FRMPD4: variants seen among roughly 807,000 people sequenced by gnomAD.
The protein encoded by FRMPD4 is FERM and PDZ domain containing 4, also known as FERM and PDZ domain-containing protein 4.
Under a neutral mutation model 94.1 loss-of-function variants are expected in FRMPD4, and 22 were observed. The observed-to-expected ratio is 0.23, with a 90% CI of 0.17 to 0.33. The LOEUF (loss-of-function observed/expected upper bound fraction) is 0.33. Among genes scored for constraint, FRMPD4 ranks in the 10% least tolerant of loss-of-function variants. The pLI is 1.00. For synonymous variants in FRMPD4, 631 were observed against 548.6 expected (o/e 1.15, Z -2.10); for missense variants, 1,111 against 1,339.9 (o/e 0.83, Z 2.67).
intron 3 of FRMPD4, among the ~76,000 whole-genome samples, chrX:11,955,830 A>G (rs2054254421): frequency 8.9e-6 from 1 of 111,749 alleles, no homozygotes; most frequent in Admixed American, 9.5e-5. Flanking sequence ...GCAACCAGCT[A>G]AGTGGGTATC....
intron 3 of FRMPD4, among the ~76,000 whole-genome samples, chrX:11,941,858 C>T (rs920886477): frequency 8.9e-6 from 1 of 111,989 alleles, no homozygotes; most frequent in African/African-American, 3.3e-5. Context: ...CCTCCCAAGG[C>T]AACACTAGCT....
Position 12,398,914 on chromosome X carries a change from A to G in FRMPD4, c.42-99766A>G, listed in dbSNP as rs1405284686. Among the ~76,000 whole-genome samples the G allele has an allele frequency of 2.7e-5, 3 of 111,526 alleles. No individual in the cohort carries two copies. The South Asian group carries it at 1.1e-3, about 43-fold the overall frequency. On this transcript the variant is annotated intron_variant, in intron 1 of 16. Coordinates refer to ENST00000675598, the MANE Select transcript of FRMPD4 (RefSeq NM_001368397.1). ...TTTTTCAGTCTTCTCTGTGACGGCT[A>G]GTTTAGACATATCTGTGGACCATCT...
rs775808697 is a variant in FRMPD4, at chrX:12,724,492, TTAAA to T, written c.*2644_*2647del. ...AGTACAATGGTACATGTACATAATT[TTAAA>T]TAAATAAATGAATGAATGAATAAAT... On this transcript the variant is annotated 3_prime_UTR_variant, in exon 17 of 17. Coordinates refer to ENST00000675598, the MANE Select transcript of FRMPD4 (RefSeq NM_001368397.1). 18 of 112,015 alleles carry T rather than the reference TTAAA, an allele frequency of 1.6e-4. No individual in the cohort carries two copies. Among genetic ancestry groups the T allele is most frequent in the Non-Finnish European group, 2.6e-4 (14 of 53,173 alleles). 9.2% of individuals were successfully genotyped at this position (112,015 alleles called of 1,213,427 possible). A position where few individuals can be genotyped will look rare whatever the true frequency, so the allele number is the denominator to read the frequency against.
upstream of FRMPD4, among the ~76,000 whole-genome samples, chrX:12,135,582 G>A (rs769109491): frequency 9.3e-6 from 1 of 107,327 alleles, no homozygotes; most frequent in East Asian, 2.9e-4. Flanking sequence ...TCCCTTGGTA[G>A]CTATTATGCT....
At chrX:12,384,337 G>A (rs986263274) in intron 1 of FRMPD4, among the ~76,000 whole-genome samples, 1 of 111,094 alleles carries the variant, frequency 9.0e-6, no homozygotes, top group Middle Eastern at 4.3e-3. Context: ...CCAACATGGC[G>A]AAACCGTATC....
chrX:12,265,460 G>A (rs763441314), intron 1 of FRMPD4, among the ~76,000 whole-genome samples: 14 of 111,755 alleles, frequency 1.3e-4, no homozygotes, highest in African/African-American at 3.9e-4. Context: ...CTACACTTGG[G>A]CTCTGTGCTA....
chrX:12,575,273 T>TA (rs1432829329), intron 2 of FRMPD4, among the ~76,000 whole-genome samples: 1 of 109,160 alleles, frequency 9.2e-6, no homozygotes, highest in African/African-American at 3.3e-5. Context: ...AAGTAGATCA[T>TA]AAAAAAAATA....
chrX:12,242,031 T>C (rs1187907258), intron 1 of FRMPD4, among the ~76,000 whole-genome samples: 1 of 111,331 alleles, frequency 9.0e-6, no homozygotes, highest in Non-Finnish European at 1.9e-5. Context: ...TTTCTGGCAC[T>C]CCATGGCATC....
At position 11,951,914 on chromosome X, in the gene FRMPD4, T is replaced by C. The variant is rs925184141; in HGVS notation, c.95+73896T>C. Among the ~76,000 whole-genome samples, 5 of 111,694 alleles carry C rather than the reference T, an allele frequency of 4.5e-5. No individual in the cohort carries two copies. The East Asian group carries it at 1.4e-3, about 32-fold the overall frequency. On this transcript the variant is annotated intron_variant, in intron 3 of 18. Coordinates refer to the FRMPD4 transcript ENST00000640291. ...AGCCTGGTGTGGTGGCACACACCTG[T>C]GGTTCCAACTACTCAGGAGGCTGAG...
intron 1 of FRMPD4, among the ~76,000 whole-genome samples, chrX:12,194,223 T>C (rs899927192): frequency 9.0e-6 from 1 of 111,305 alleles, no homozygotes; most frequent in Admixed American, 9.5e-5. Flanking sequence ...ATTTCATCAA[T>C]GAAAAATAAT....
At chrX:11,961,380 A>C (rs1426135049) in intron 3 of FRMPD4, among the ~76,000 whole-genome samples, 1 of 112,201 alleles carries the variant, frequency 8.9e-6, no homozygotes, top group Non-Finnish European at 1.9e-5. Context: ...TGGTGTCCTC[A>C]CTTGGCAGGG....
chrX:12,110,226 C>G (rs962659143), intron 3 of FRMPD4, among the ~76,000 whole-genome samples: 2 of 112,299 alleles, frequency 1.8e-5, no homozygotes, highest in Non-Finnish European at 3.8e-5. Flanking sequence ...CCACCATGAT[C>G]AAGTGGGCTT....
chrX:12,448,704 G>A (rs1411322482), intron 1 of FRMPD4, among the ~76,000 whole-genome samples: 1 of 112,515 alleles, frequency 8.9e-6, no homozygotes, highest in African/African-American at 3.2e-5. Context: ...GTACTGAAAT[G>A]AAGGTGCTTC....
chrX:12,676,189 A>G (rs1428443333), intron 5 of FRMPD4, among the ~76,000 whole-genome samples: 1 of 112,310 alleles, frequency 8.9e-6, no homozygotes, highest in African/African-American at 3.2e-5. Flanking sequence ...ATAACAAACG[A>G]GTCAGCAGTG....
chrX:12,582,249 C>A (rs1165593626), intron 2 of FRMPD4, among the ~76,000 whole-genome samples: 1 of 112,359 alleles, frequency 8.9e-6, no homozygotes, highest in African/African-American at 3.2e-5. Flanking sequence ...GTTGCTTTCT[C>A]TTTGTATTGG....
intron 1 of FRMPD4, among the ~76,000 whole-genome samples, chrX:11,864,306 T>G (rs1325874845): frequency 9.2e-6 from 1 of 109,230 alleles, no homozygotes; most frequent in African/African-American, 3.3e-5. Context: ...GGGTGTGGAC[T>G]GAGGGCAGTT....
chrX:12,386,394 G>A (rs1361417847), intron 1 of FRMPD4, among the ~76,000 whole-genome samples: 1 of 112,117 alleles, frequency 8.9e-6, no homozygotes, highest in African/African-American at 3.2e-5. Context: ...GAAAGTATGT[G>A]GATGGATTGA....
At chrX:12,317,257 C>A (rs1250618932) in intron 1 of FRMPD4, among the ~76,000 whole-genome samples, 2 of 111,587 alleles carry the variant, frequency 1.8e-5, no homozygotes, top group African/African-American at 6.5e-5. Flanking sequence ...GACTGTCTAT[C>A]TCTCACCATA....
At chrX:11,856,877 A>G (rs2053656760) in intron 1 of FRMPD4, among the ~76,000 whole-genome samples, 1 of 112,189 alleles carries the variant, frequency 8.9e-6, no homozygotes, top group African/African-American at 3.2e-5. Context: ...TACAAAATCA[A>G]TGTGCAAAAA....
Sources: allele counts gnomAD v4.1 joint callset (sites outside exome capture counted in the v4.1 genomes callset), GRCh38; gene constraint gnomAD v4.1.1; transcripts MANE v1.5; gene names NCBI Gene and HGNC (gene_info 2026-07-23, HGNC 2026-07-21).